TAFA5: variants seen among roughly 807,000 people sequenced by gnomAD.
TAFA5 encodes the protein chemokine-like protein TAFA-5.
In TAFA5, 6 loss-of-function variants were observed where a neutral mutation model predicts 15.3. The observed-to-expected ratio is 0.39, with a 90% CI of 0.21 to 0.77. The LOEUF is 0.77. TAFA5 is among the 30% of genes least tolerant of loss of function. TAFA5 has a pLI of 0.41. For missense variants in TAFA5, 161 were observed against 193.1 expected (o/e 0.83, Z 0.98); for synonymous variants, 103 against 80.7 (o/e 1.28, Z -1.48).
intron 2 of TAFA5, among the ~76,000 whole-genome samples, chr22:48,650,537 T>C (rs5771884): frequency 0.86 from 130,438 of 152,054 alleles, 56,459 homozygotes; most frequent in East Asian, 1. Context: ...TGAGGGATGA[T>C]GAGGAGCTCA....
At chr22:48,561,394 G>C (rs1923224973) in intron 1 of TAFA5, among the ~76,000 whole-genome samples, 2 of 152,168 alleles carry the variant, frequency 1.3e-5, no homozygotes, top group Non-Finnish European at 2.9e-5. Context: ...GCTGTTCCAG[G>C]GTGTGCTGGG....
At chr22:48,746,218 C>A (rs13053143) in intron 3 of TAFA5, among the ~76,000 whole-genome samples, 1 of 151,826 alleles carries the variant, frequency 6.6e-6, no homozygotes, top group East Asian at 1.9e-4. Context: ...TCAGTGAAGT[C>A]GTCCAGGGCA....
At chr22:48,606,297 C>G (rs758019487) in intron 1 of TAFA5, among the ~76,000 whole-genome samples, 3 of 152,176 alleles carry the variant, frequency 2.0e-5, no homozygotes, top group Non-Finnish European at 4.4e-5. Context: ...GGCGAACCGT[C>G]GGAGACAGCG....
intron 1 of TAFA5, among the ~76,000 whole-genome samples, chr22:48,545,974 G>T (rs1922651308): frequency 6.6e-6 from 1 of 152,076 alleles, no homozygotes; most frequent in South Asian, 2.1e-4. Context: ...CCTCAAGCAG[G>T]TCCCACCCAA....
At chr22:48,714,730 C>T (rs9628606) in intron 3 of TAFA5, among the ~76,000 whole-genome samples, 37 of 152,302 alleles carry the variant, frequency 2.4e-4, no homozygotes, top group Admixed American at 1.2e-3. Flanking sequence ...GTGTGTCCTG[C>T]GGCCACCATA....
chr22:48,561,193 C>T (rs938424123), intron 1 of TAFA5, among the ~76,000 whole-genome samples: 1 of 152,112 alleles, frequency 6.6e-6, no homozygotes, highest in Non-Finnish European at 1.5e-5. Flanking sequence ...CATCTCGGAT[C>T]CACTCTGCTC....
At chr22:48,545,054 CAG>C (rs1350165936) in intron 1 of TAFA5, 2 of 362,708 alleles carry the variant, frequency 5.5e-6, no homozygotes, top group African/African-American at 2.1e-5. Flanking sequence ...GAAGGACTCT[CAG>C]GGGAACCATG....
At position 48,591,959 on chromosome 22, in the gene TAFA5, G is replaced by A. The variant is rs369599243; in HGVS notation, c.113-54638G>A. 6.6e-5 allele frequency among the ~76,000 whole-genome samples: 10 copies of A among 152,310 alleles called. No homozygotes were observed. The South Asian group carries it at 1.7e-3, about 25-fold the overall frequency. On this transcript the variant is annotated intron_variant, in intron 1 of 3. Coordinates refer to ENST00000402357, the MANE Select transcript of TAFA5 (RefSeq NM_001082967.3). Reference sequence around the variant, plus strand: ...GTGCCCCAGCCTCACGGCCCTGAGCGCCCTTCAGCCACTGAAGTGTGATGG... The same window carrying A: ...GTGCCCCAGCCTCACGGCCCTGAGCACCCTTCAGCCACTGAAGTGTGATGG...
intron 3 of TAFA5, among the ~76,000 whole-genome samples, chr22:48,708,468 G>C (rs981596657): frequency 6.6e-6 from 1 of 152,206 alleles, no homozygotes; most frequent in Admixed American, 6.5e-5. Context: ...GGGGAACGCC[G>C]GGTGGACATG....
intron 3 of TAFA5, among the ~76,000 whole-genome samples, chr22:48,746,901 T>A (rs1930344344): frequency 6.6e-6 from 1 of 152,130 alleles, no homozygotes; most frequent in South Asian, 2.1e-4. Context: ...CTCAGGCAGC[T>A]CACCAGCCTG....
At chr22:48,568,516 G>C (rs370140137) in intron 1 of TAFA5, among the ~76,000 whole-genome samples, 1 of 152,244 alleles carries the variant, frequency 6.6e-6, no homozygotes, top group African/African-American at 2.4e-5. Flanking sequence ...CCCCACAACA[G>C]TGTGTCCCAG....
chr22:48,613,784 C>T (rs1181653799), intron 1 of TAFA5, among the ~76,000 whole-genome samples: 2 of 152,192 alleles, frequency 1.3e-5, no homozygotes, highest in Non-Finnish European at 2.9e-5. Flanking sequence ...TCCTTCCGGC[C>T]CTTCGTGACT....
At chr22:48,669,973 CG>C (rs1336056750) in intron 2 of TAFA5, among the ~76,000 whole-genome samples, 1 of 152,250 alleles carries the variant, frequency 6.6e-6, no homozygotes, top group African/African-American at 2.4e-5. Flanking sequence ...GTGACCTCTC[CG>C]GGTCCCCAGT....
intron 1 of TAFA5, among the ~76,000 whole-genome samples, chr22:48,644,507 G>A (rs1170969920): frequency 1.3e-5 from 2 of 152,204 alleles, no homozygotes; most frequent in African/African-American, 4.8e-5. Flanking sequence ...GTGCCTCCTG[G>A]TCACAATCAG....
At chr22:48,509,100 A>G (rs553878934) in intron 1 of TAFA5, among the ~76,000 whole-genome samples, 33 of 152,338 alleles carry the variant, frequency 2.2e-4, no homozygotes, top group African/African-American at 7.9e-4. Context: ...ACTTAACACA[A>G]TGCCCTCCGG....
At chr22:48,612,399 C>T (rs996996039) in intron 1 of TAFA5, among the ~76,000 whole-genome samples, 8 of 152,138 alleles carry the variant, frequency 5.3e-5, no homozygotes, top group East Asian at 1.9e-4. Flanking sequence ...TTAAATGGCC[C>T]GTGTACCTCC....
chr22:48,630,993 A>G (rs560407592), intron 1 of TAFA5, among the ~76,000 whole-genome samples: 2 of 152,290 alleles, frequency 1.3e-5, no homozygotes, highest in South Asian at 4.1e-4. Context: ...CGTGTCCTGC[A>G]GCCAGGGGCC....
intron 1 of TAFA5, among the ~76,000 whole-genome samples, chr22:48,617,437 A>G (rs1166348238): frequency 6.6e-6 from 1 of 152,206 alleles, no homozygotes; most frequent in Admixed American, 6.5e-5. Flanking sequence ...AAGAGGATAA[A>G]TGGGTGCTGT....
chr22:48,722,499 T>C (rs1226011037), intron 3 of TAFA5, among the ~76,000 whole-genome samples: 1 of 151,098 alleles, frequency 6.6e-6, no homozygotes, highest in African/African-American at 2.4e-5. Flanking sequence ...TAAGTGGGAG[T>C]TGAACAATGA....
Sources: gnomAD v4.1 joint callset for allele counts (sites outside exome capture counted in the v4.1 genomes callset) on GRCh38, gnomAD v4.1.1 for gene constraint, MANE v1.5 for transcripts, NCBI Gene and HGNC (gene_info 2026-07-23, HGNC 2026-07-21) for gene names.